The following GTF2A2 variants were observed in gnomAD, a reference collection of about 807,000 sequenced individuals.
GTF2A2 encodes the protein general transcription factor IIA subunit 2.
GTF2A2 carries 9 observed loss-of-function variants against 14.3 expected under a neutral mutation model. The ratio of observed to expected loss-of-function variants is 0.63; its 90% CI spans 0.38 to 1.10. The LOEUF is 1.10. Among genes scored for constraint, GTF2A2 ranks in the 50% least tolerant of loss-of-function variants. GTF2A2 has a pLI of 0.01. For missense variants in GTF2A2, 90 were observed against 124.6 expected (o/e 0.72, Z 1.32); for synonymous variants, 56 against 46.0 (o/e 1.22, Z -0.88).
At chr15:59,640,233 C>G (rs1891363228) in intron 4 of GTF2A2, 1 of 152,024 alleles carries the variant, frequency 6.6e-6, no homozygotes, top group Non-Finnish European at 1.5e-5. Context: ...TACTTCTCAT[C>G]CACTGAAGTT....
At chr15:59,647,846 AGG>A (rs1197122720) in intron 3 of GTF2A2, among the ~76,000 whole-genome samples, 2 of 152,216 alleles carry the variant, frequency 1.3e-5, no homozygotes, top group Non-Finnish European at 2.9e-5. Context: ...CTGGGGTTAC[AGG>A]CATGAGCCAC....
At chr15:59,654,139 G>C (rs1300714217) in intron 1 of GTF2A2, among the ~76,000 whole-genome samples, 1 of 152,116 alleles carries the variant, frequency 6.6e-6, no homozygotes, top group African/African-American at 2.4e-5. Flanking sequence ...CACATCACTG[G>C]TCTATTCAAA....
Position 59,638,393 on chromosome 15 carries a change from T to TA in GTF2A2, c.*738dup, listed in dbSNP as rs1223231139. Reference sequence around the variant, plus strand: ...TTTCTGCAAGCACAATCCACTGACATAAAAGTCTAATAATTAGACTTTATT... The same window carrying TA: ...TTTCTGCAAGCACAATCCACTGACATAAAAAGTCTAATAATTAGACTTTATT... On this transcript the variant is annotated 3_prime_UTR_variant, in exon 5 of 5. Transcript: ENST00000396060. 4 of 152,078 alleles carry TA rather than the reference T, an allele frequency of 2.6e-5. No homozygotes were observed. Among genetic ancestry groups the TA allele is most frequent in the South Asian group, 2.1e-4 (1 of 4,818 alleles). The allele number at this position is 152,078 out of a possible 1,614,324, so 9.4% of individuals were successfully genotyped here. A position where few individuals can be genotyped will look rare whatever the true frequency, so the allele number is the denominator to read the frequency against.
In GTF2A2 at chr15:59,638,206, G is replaced by A. The variant is rs1891244148; in HGVS notation, c.*926C>T. 6.6e-6 allele frequency: 1 copy of A among 152,114 alleles called. No individual in the cohort carries two copies. Among genetic ancestry groups the A allele is most frequent in the Admixed American group, 6.6e-5 (1 of 15,262 alleles). 9.4% of individuals were successfully genotyped at this position (152,114 alleles called of 1,614,324 possible). A position where few individuals can be genotyped will look rare whatever the true frequency, so the allele number is the denominator to read the frequency against. On this transcript the variant is annotated 3_prime_UTR_variant, in exon 5 of 5. Transcript: ENST00000396060. ...TACAGGTGTGAGCCACCAGTACCTA[G>A]CCAAAGTTAGTTTTAATGTGAGAGT...
At position 59,641,818 on chromosome 15, in the gene GTF2A2, T is replaced by C. The variant is rs912787016; in HGVS notation, c.304+318A>G. On this transcript the variant is annotated intron_variant, in intron 4 of 4. Coordinates refer to ENST00000396060, the MANE Select transcript of GTF2A2 (RefSeq NM_004492.3). ...CCATAGGATTGTAAAAATTATTCCT[T>C]AAAGTAAAAGGTGTCTGAAAAGCCT... 3.9e-5 allele frequency among the ~76,000 whole-genome samples: 6 copies of C among 152,280 alleles called. 1 individual carries two copies. Among genetic ancestry groups the C allele is most frequent in the Admixed American group, 3.9e-4 (6 of 15,298 alleles).
intron 4 of GTF2A2, among the ~76,000 whole-genome samples, chr15:59,639,871 C>A (rs1207836928): frequency 6.6e-6 from 1 of 152,116 alleles, no homozygotes; most frequent in Non-Finnish European, 1.5e-5. Context: ...CTGCCTCAGC[C>A]TCCGCAGCAG....
In GTF2A2 at chr15:59,639,147, G is replaced by C. The variant is rs774709214; in HGVS notation, c.315C>G (p.Ser105=). The change falls in exon 5 of 5, where the codon TCC becomes TCG. Residue 105 remains serine (S), a synonymous_variant. Transcript: ENST00000396060. ...IVACDGKNTG[S]NTTE is the part of the protein sequence containing the mutation. ...TTTTTTCTATTCATTCTGTAGTATT[G>C]GAGCCAGTATCTAGGAAACAAAAGA... 6.9e-7 allele frequency: 1 copy of C among 1,458,102 alleles called. No individual in the cohort carries two copies. Among genetic ancestry groups the C allele is most frequent in the East Asian group, 2.3e-5 (1 of 43,738 alleles). 90.3% of individuals were successfully genotyped at this position (1,458,102 alleles called of 1,614,324 possible). A position where few individuals can be genotyped will look rare whatever the true frequency, so the allele number is the denominator to read the frequency against.
chr15:59,650,591 T>C (rs1461103851), intron 3 of GTF2A2, 78 bp downstream of exon 3: 3 of 758,964 alleles, frequency 4.0e-6, no homozygotes, highest in Middle Eastern at 2.4e-4. Flanking sequence ...GATTAATAAA[T>C]ATGTAGGGGT....
intron 4 of GTF2A2, 60 bp downstream of exon 4, chr15:59,642,076 C>G: frequency 6.7e-7 from 1 of 1,500,428 alleles, no homozygotes; most frequent in Non-Finnish European, 9.0e-7. Flanking sequence ...TGCAGATCTT[C>G]TAAAGGCTCA....
intron 3 of GTF2A2, among the ~76,000 whole-genome samples, chr15:59,646,206 G>T (rs945212817): frequency 2.6e-5 from 4 of 151,868 alleles, no homozygotes; most frequent in Non-Finnish European, 4.4e-5. Context: ...ACAGGAATGC[G>T]CCACCACACC....
chr15:59,652,686 T>C (rs556986892), intron 1 of GTF2A2, among the ~76,000 whole-genome samples: 134 of 152,312 alleles, frequency 8.8e-4, no homozygotes, highest in Non-Finnish European at 1.6e-3. Flanking sequence ...CATGTTTGCA[T>C]GTCTGCCCCT....
In GTF2A2 at chr15:59,657,514, C is replaced by G. The variant is rs1188326814; in HGVS notation, c.-158G>C. On this transcript the variant is annotated 5_prime_UTR_variant, in exon 1 of 5. Transcript: ENST00000396060. ...TCCAGCCGCCGCAGAAACCGCAGAA[C>G]TGAGCTGACGACCCGGAAGTGCTCG... The G allele has an allele frequency of 6.6e-6, 1 of 152,448 alleles. No homozygotes were observed. The highest frequency in any genetic ancestry group is 1.5e-5 in the Non-Finnish European group (1 of 68,218). The allele number at this position is 152,448 out of a possible 1,614,324, so 9.4% of individuals were successfully genotyped here. A position where few individuals can be genotyped will look rare whatever the true frequency, so the allele number is the denominator to read the frequency against.
intron 4 of GTF2A2, 41 bp from the exon 5 acceptor site, chr15:59,639,198 G>C: frequency 8.2e-7 from 1 of 1,216,812 alleles, no homozygotes. Context: ...TAAATTCAAG[G>C]AGCAATTTAA....
Position 59,646,814 on chromosome 15 carries a change from G to A in GTF2A2, c.177+3855C>T, listed in dbSNP as rs74019652. ...CTGAGCCAACAAATGTTTTTAAAAA[G>A]GTAAACGTAAGAAATAATATAATCT... On this transcript the variant is annotated intron_variant, in intron 3 of 4. Coordinates refer to ENST00000396060, the MANE Select transcript of GTF2A2 (RefSeq NM_004492.3). 3.8e-3 allele frequency among the ~76,000 whole-genome samples: 582 copies of A among 151,984 alleles called. 1 individual carries two copies. Among genetic ancestry groups the A allele is most frequent in the African/African-American group, 0.014 (568 of 41,494 alleles).
intron 3 of GTF2A2, among the ~76,000 whole-genome samples, chr15:59,645,642 T>A (rs1891579115): frequency 6.6e-6 from 1 of 152,222 alleles, no homozygotes; most frequent in African/African-American, 2.4e-5. Flanking sequence ...TCTCCTCGTT[T>A]GCTACAGTCT....
chr15:59,650,019 A>T lies in GTF2A2; in HGVS notation c.177+650T>A. ...TAATAAGCAAACATCATCATATATTATATGACTCCATCAATACCATAATGT... is the reference window on the plus strand; with the variant it reads ...TAATAAGCAAACATCATCATATATTTTATGACTCCATCAATACCATAATGT... On this transcript the variant is annotated intron_variant, in intron 3 of 4. Coordinates refer to ENST00000396060, the MANE Select transcript of GTF2A2 (RefSeq NM_004492.3). Among the ~76,000 whole-genome samples the T allele has an allele frequency of 1.3e-5, 2 of 152,228 alleles. 1 individual carries two copies. The highest frequency in any genetic ancestry group is 2.9e-5 in the Non-Finnish European group (2 of 68,036).
intron 2 of GTF2A2, 40 bp from the exon 3 acceptor site, chr15:59,650,813 A>C: frequency 9.8e-7 from 1 of 1,018,514 alleles, no homozygotes; most frequent in Non-Finnish European, 1.5e-6. Context: ...TTAAGGAAGA[A>C]CATTAAAGAC....
At chr15:59,652,471 T>G (rs1012045020) in intron 1 of GTF2A2, 145 bp from the exon 2 acceptor site, 22 of 519,650 alleles carry the variant, frequency 4.2e-5, no homozygotes, top group Middle Eastern at 5.0e-4. Flanking sequence ...ATTTTAGAAT[T>G]ACAAGGAATT....
chr15:59,643,005 AT>A (rs1264140765), intron 3 of GTF2A2, among the ~76,000 whole-genome samples: 1 of 150,936 alleles, frequency 6.6e-6, no homozygotes, highest in Non-Finnish European at 1.5e-5. Context: ...ACCTCAGGTG[AT>A]CCACCCACCT....
Sources: gnomAD v4.1 joint callset for allele counts (sites outside exome capture counted in the v4.1 genomes callset) on GRCh38, gnomAD v4.1.1 for gene constraint, MANE v1.5 for transcripts, NCBI Gene and HGNC (gene_info 2026-07-23, HGNC 2026-07-21) for gene names.